Variants in NREP observed in about 807,000 individuals in gnomAD.
NREP encodes the protein neuronal regeneration-related protein.
NREP carries 5 observed loss-of-function variants against 8.6 expected under a neutral mutation model. The observed-to-expected ratio is 0.58, with a 90% CI of 0.30 to 1.22. NREP has a LOEUF of 1.22. Among genes scored for constraint, NREP ranks in the 50% most tolerant of loss-of-function variants. NREP has a pLI of 0.07. For synonymous variants in NREP, 27 were observed against 28.0 expected, an observed-to-expected ratio of 0.96 and a Z score of 0.11; for missense variants, 86 against 82.5, an observed-to-expected ratio of 1.04 and a Z score of -0.17.
rs7715250 is a variant in NREP at position 111,878,366 on chromosome 5, T to C, written c.135+96908A>G. On this transcript the variant is annotated intron_variant, in intron 2 of 3. Coordinates refer to the NREP transcript ENST00000395634. ...CTGAAGGGAAGAAGCACATCTTACA[T>C]GGCGGCAGGTGAGAGAGAGCAACAG... Among the ~76,000 whole-genome samples, 985 of 152,244 alleles carry C rather than the reference T, an allele frequency of 6.5e-3. 16 individuals carry two copies. Among genetic ancestry groups the C allele is most frequent in the African/African-American group, 0.023 (936 of 41,552 alleles).
intron 2 of NREP, among the ~76,000 whole-genome samples, chr5:111,915,215 G>A (rs1755023881): frequency 6.6e-6 from 1 of 152,130 alleles, no homozygotes; most frequent in Admixed American, 6.6e-5. Flanking sequence ...AACAATGATT[G>A]ATGGTGAAAG....
At chr5:111,753,990 G>C (rs1025123973) in intron 2 of NREP, among the ~76,000 whole-genome samples, 3 of 152,062 alleles carry the variant, frequency 2.0e-5, no homozygotes, top group Non-Finnish European at 4.4e-5. Flanking sequence ...AAGTTACTTG[G>C]AATCACCCAC....
intron 2 of NREP, among the ~76,000 whole-genome samples, chr5:111,872,265 A>T (rs567554383): frequency 6.6e-6 from 1 of 152,240 alleles, no homozygotes; most frequent in East Asian, 1.9e-4. Flanking sequence ...CTCAAAGGCC[A>T]TCAGACTGGA....
At chr5:111,936,704 TCTC>T (rs1383705367) in intron 2 of NREP, among the ~76,000 whole-genome samples, 3 of 152,052 alleles carry the variant, frequency 2.0e-5, no homozygotes, top group South Asian at 4.1e-4. Flanking sequence ...ATGACTACAA[TCTC>T]CTTGATTCCC....
At chr5:111,789,354 G>A (rs1432342283) in intron 2 of NREP, among the ~76,000 whole-genome samples, 16 of 152,136 alleles carry the variant, frequency 1.1e-4, no homozygotes, top group Admixed American at 7.2e-4. Context: ...AATGATGCAT[G>A]CGGAAGTTTC....
chr5:111,838,199 G>T (rs959697898), intron 2 of NREP, among the ~76,000 whole-genome samples: 5 of 152,118 alleles, frequency 3.3e-5, no homozygotes, highest in African/African-American at 1.2e-4. Flanking sequence ...CTATTAATGA[G>T]ACACTATATT....
chr5:111,761,993 T>G (rs1750970745), upstream of NREP, among the ~76,000 whole-genome samples: 1 of 152,178 alleles, frequency 6.6e-6, no homozygotes, highest in Non-Finnish European at 1.5e-5. Flanking sequence ...GCGGATGGAT[T>G]TGAGCACGGA....
chr5:111,931,757 AT>A (rs535711315), intron 2 of NREP, among the ~76,000 whole-genome samples: 1 of 152,280 alleles, frequency 6.6e-6, no homozygotes, highest in South Asian at 2.1e-4. Context: ...AAAAGATTGC[AT>A]CCTAAAACCA....
intron 2 of NREP, among the ~76,000 whole-genome samples, chr5:111,911,487 T>C (rs190835674): frequency 1.4e-4 from 21 of 152,104 alleles, no homozygotes; most frequent in Middle Eastern, 3.4e-3. Context: ...ATCAAGACAA[T>C]ATTGAGTAAG....
chr5:111,774,155 A>G (rs2112875882), intron 2 of NREP, among the ~76,000 whole-genome samples: 1 of 150,104 alleles, frequency 6.7e-6, no homozygotes, highest in South Asian at 2.2e-4. Context: ...CATGTCCAGC[A>G]TTATGCTAGA....
intron 2 of NREP, among the ~76,000 whole-genome samples, chr5:111,883,066 T>G (rs1754131684): frequency 6.6e-6 from 1 of 152,220 alleles, no homozygotes; most frequent in African/African-American, 2.4e-5. Flanking sequence ...ATCAGTGTGC[T>G]GTATTCAGGA....
At chr5:111,963,751 G>A (rs981219743) in intron 2 of NREP, among the ~76,000 whole-genome samples, 1 of 152,194 alleles carries the variant, frequency 6.6e-6, no homozygotes, top group Non-Finnish European at 1.5e-5. Flanking sequence ...GACTCAGTTG[G>A]TTCAATTCTT....
At chr5:111,790,827 T>G (rs908373475) in intron 2 of NREP, among the ~76,000 whole-genome samples, 1 of 152,154 alleles carries the variant, frequency 6.6e-6, no homozygotes, top group Admixed American at 6.6e-5. Flanking sequence ...TTAAATTGTA[T>G]AGCTCCACTT....
In NREP at chr5:111,960,215, T is replaced by C. The variant is rs115949433; in HGVS notation, c.135+15059A>G. Among the ~76,000 whole-genome samples, 70 of 152,300 alleles carry C rather than the reference T, an allele frequency of 4.6e-4. 1 individual carries two copies. The highest frequency in any genetic ancestry group is 1.6e-3 in the African/African-American group (68 of 41,574). Reference sequence around the variant, plus strand: ...GCAAAATTAAAAATCAGAGAATCTGTGTGCATCTTCAATTGTTTTTCTGAA... The same window carrying C: ...GCAAAATTAAAAATCAGAGAATCTGCGTGCATCTTCAATTGTTTTTCTGAA... On this transcript the variant is annotated intron_variant, in intron 2 of 3. Transcript: ENST00000395634.
At chr5:111,943,316 A>G (rs902312367) in intron 2 of NREP, among the ~76,000 whole-genome samples, 6 of 152,056 alleles carry the variant, frequency 3.9e-5, no homozygotes, top group African/African-American at 9.7e-5. Flanking sequence ...TCATAGGCAC[A>G]TACTGCCTTG....
intron 2 of NREP, among the ~76,000 whole-genome samples, chr5:111,887,308 C>T (rs1403655251): frequency 6.6e-6 from 1 of 152,136 alleles, no homozygotes; most frequent in Non-Finnish European, 1.5e-5. Context: ...ACATGTATTA[C>T]CATTATCCTC....
rs573823208 is a variant in NREP at position 111,818,388 on chromosome 5, A to T, written c.136-82881T>A. ...ATGGCAGTGACGTGGTGTTATAGAG[A>T]TATGGGTAAAATGAAGTCCTTGATT... On this transcript the variant is annotated intron_variant, in intron 2 of 3. Transcript: ENST00000395634. Among the ~76,000 whole-genome samples, 108 of 152,318 alleles carry T rather than the reference A, an allele frequency of 7.1e-4. 1 individual carries two copies. The highest frequency in any genetic ancestry group is 2.5e-3 in the African/African-American group (103 of 41,580).
At chr5:111,880,470 T>G (rs1754025420) in intron 2 of NREP, among the ~76,000 whole-genome samples, 1 of 152,192 alleles carries the variant, frequency 6.6e-6, no homozygotes. Flanking sequence ...GCAGATGGCA[T>G]GGCTACTTCT....
At chr5:111,933,422 G>A (rs2112602515) in intron 2 of NREP, among the ~76,000 whole-genome samples, 1 of 152,182 alleles carries the variant, frequency 6.6e-6, no homozygotes, top group Admixed American at 6.5e-5. Flanking sequence ...ATTTTTCAGT[G>A]GTCAAATTTT....
Sources: allele counts gnomAD v4.1 joint callset (sites outside exome capture counted in the v4.1 genomes callset), GRCh38; gene constraint gnomAD v4.1.1; transcripts MANE v1.5; gene names NCBI Gene and HGNC (gene_info 2026-07-23, HGNC 2026-07-21).